Variants in ENTREP2 observed in about 807,000 individuals in gnomAD.
The protein encoded by ENTREP2 is protein ENTREP2.
the ENTREP2 span, among the ~76,000 whole-genome samples, chr15:29,404,107 A>G: frequency 6.6e-6 from 1 of 152,074 alleles, no homozygotes; most frequent in Non-Finnish European, 1.5e-5. Flanking sequence ...GGCCACCAGG[A>G]CAGGGGAGGA....
chr15:29,562,565 G>A, the ENTREP2 span, among the ~76,000 whole-genome samples: 1 of 152,094 alleles, frequency 6.6e-6, no homozygotes, highest in African/African-American at 2.4e-5. Flanking sequence ...AGGAATTCTT[G>A]GTTCTGTTCT....
chr15:29,468,520 G>A, the ENTREP2 span, among the ~76,000 whole-genome samples: 8 of 149,422 alleles, frequency 5.4e-5, no homozygotes, highest in South Asian at 1.1e-3. Flanking sequence ...TGAGGCAGGC[G>A]AATCGCTTGA....
At chr15:29,423,196 T>G in the ENTREP2 span, among the ~76,000 whole-genome samples, 3 of 152,166 alleles carry the variant, frequency 2.0e-5, no homozygotes, top group African/African-American at 7.2e-5. Context: ...TGGAATCTTT[T>G]TAACTCAGAA....
chr15:29,187,470 T>G, the ENTREP2 span, among the ~76,000 whole-genome samples: 1 of 152,074 alleles, frequency 6.6e-6, no homozygotes, highest in East Asian at 1.9e-4. Context: ...GAGATGAAGT[T>G]TCATCATTTT....
chr15:29,631,888 G>A, the ENTREP2 span, among the ~76,000 whole-genome samples: 1 of 152,196 alleles, frequency 6.6e-6, no homozygotes, highest in African/African-American at 2.4e-5. Context: ...TCTGCTGATG[G>A]CACCAGCCCA....
the ENTREP2 span, among the ~76,000 whole-genome samples, chr15:29,502,390 C>G: frequency 6.6e-6 from 1 of 151,520 alleles, no homozygotes; most frequent in Non-Finnish European, 1.5e-5. Flanking sequence ...TATCCACATA[C>G]AAAGGAATGA....
the ENTREP2 span, among the ~76,000 whole-genome samples, chr15:29,248,962 TA>T: frequency 6.6e-6 from 1 of 152,234 alleles, no homozygotes; most frequent in African/African-American, 2.4e-5. Context: ...GAGATATGGT[TA>T]AATAAACAAT....
chr15:29,188,135 C>A, the ENTREP2 span, among the ~76,000 whole-genome samples: 1 of 152,180 alleles, frequency 6.6e-6, no homozygotes, highest in Non-Finnish European at 1.5e-5. Context: ...TATTATGTGT[C>A]TTTGGTCTCT....
the ENTREP2 span, among the ~76,000 whole-genome samples, chr15:29,635,834 C>T: frequency 6.6e-6 from 1 of 152,204 alleles, no homozygotes; most frequent in African/African-American, 2.4e-5. Context: ...GGAGCCTCCA[C>T]TGCTGAGGCA....
chr15:29,252,449 C>A, the ENTREP2 span: 1 of 1,550,572 alleles, frequency 6.4e-7, no homozygotes, highest in South Asian at 1.2e-5. Flanking sequence ...GCATTACACA[C>A]ACTGCAGAAA....
the ENTREP2 span, among the ~76,000 whole-genome samples, chr15:29,209,554 G>A: frequency 6.6e-6 from 1 of 152,136 alleles, no homozygotes; most frequent in Non-Finnish European, 1.5e-5. Context: ...GGGAGAGTCT[G>A]TTGCTTATGA....
chr15:29,401,614 A>G, the ENTREP2 span, among the ~76,000 whole-genome samples: 2 of 152,220 alleles, frequency 1.3e-5, no homozygotes, highest in Non-Finnish European at 2.9e-5. Flanking sequence ...CTCTCAAAAT[A>G]AAAACTGTAC....
At chr15:29,494,712 T>G in the ENTREP2 span, among the ~76,000 whole-genome samples, 5 of 152,240 alleles carry the variant, frequency 3.3e-5, no homozygotes, top group Admixed American at 6.5e-5. Context: ...TCTGTTTCTA[T>G]GAGCCACGTT....
At chr15:29,590,912 A>C in the ENTREP2 span, among the ~76,000 whole-genome samples, 5 of 152,184 alleles carry the variant, frequency 3.3e-5, no homozygotes, top group African/African-American at 9.7e-5. Flanking sequence ...CAGGGGATCT[A>C]TAATGTGATT....
the ENTREP2 span, among the ~76,000 whole-genome samples, chr15:29,465,341 C>T: frequency 6.6e-6 from 1 of 152,126 alleles, no homozygotes; most frequent in Non-Finnish European, 1.5e-5. Flanking sequence ...AAGAGCCAGG[C>T]AAACAGAATC....
the ENTREP2 span, among the ~76,000 whole-genome samples, chr15:29,383,860 G>A: frequency 0.016 from 2,367 of 152,244 alleles, 69 homozygotes; most frequent in African/African-American, 0.055. Context: ...TATTTTTTCT[G>A]CAACGCTCAC....
the ENTREP2 span, among the ~76,000 whole-genome samples, chr15:29,459,793 T>C: frequency 1.3e-5 from 2 of 152,210 alleles, no homozygotes; most frequent in Non-Finnish European, 2.9e-5. Context: ...AGGTGACTCT[T>C]CCATTAACAC....
the ENTREP2 span, among the ~76,000 whole-genome samples, chr15:29,590,683 C>CAAAAAAAAAAA: frequency 1.3e-5 from 1 of 75,320 alleles, no homozygotes; most frequent in African/African-American, 5.0e-5. Flanking sequence ...GACTCCGTCT[C>CAAAAAAAAAAA]AAAAAAAAAA....
At chr15:29,509,647 A>G in the ENTREP2 span, among the ~76,000 whole-genome samples, 368 of 152,332 alleles carry the variant, frequency 2.4e-3, 5 homozygotes, top group Middle Eastern at 0.01. Context: ...AAAATAAGCA[A>G]TGGGGAAAGG....
Sources: allele counts gnomAD v4.1 joint callset (sites outside exome capture counted in the v4.1 genomes callset), GRCh38; gene constraint gnomAD v4.1.1; transcripts MANE v1.5; gene names NCBI Gene and HGNC (gene_info 2026-07-23, HGNC 2026-07-21).